The following NR5A2 variants were observed in gnomAD, a reference collection of about 807,000 sequenced individuals.
NR5A2 encodes the protein nuclear receptor subfamily 5 group A member 2, also known as CYP7A promoter-binding factor.
Under a neutral mutation model 62.7 loss-of-function variants are expected in NR5A2, and 26 were observed. The observed-to-expected ratio is 0.41, with a 90% CI of 0.30 to 0.58. The LOEUF (loss-of-function observed/expected upper bound fraction) is 0.58. Among genes scored for constraint, NR5A2 ranks in the 20% least tolerant of loss-of-function variants. The pLI is 0.22. For synonymous variants in NR5A2, 246 were observed against 241.7 expected, an observed-to-expected ratio of 1.02 and a Z score of -0.16; for missense variants, 541 against 669.1, an observed-to-expected ratio of 0.81 and a Z score of 2.11.
chr1:200,049,997 A>G (rs890667545), intron 5 of NR5A2, among the ~76,000 whole-genome samples: 3 of 152,252 alleles, frequency 2.0e-5, no homozygotes, highest in African/African-American at 7.2e-5. Context: ...ATAAAATTCC[A>G]TCAGCACGCT....
chr1:200,052,915 T>C (rs61819902), intron 5 of NR5A2, among the ~76,000 whole-genome samples: 6,258 of 152,252 alleles, frequency 0.041, 143 homozygotes, highest in African/African-American at 0.057. Context: ...TCTGGGATTA[T>C]AGGCATGAGC....
chr1:200,063,541 T>C (rs1232094067), intron 5 of NR5A2, among the ~76,000 whole-genome samples: 4 of 152,206 alleles, frequency 2.6e-5, no homozygotes, highest in Admixed American at 1.3e-4. Flanking sequence ...CCATTGAGAA[T>C]TGCTTTTATG....
In NR5A2 at chr1:200,147,934, C is replaced by T; in HGVS notation, c.1379-26029C>T. Reference sequence around the variant, plus strand: ...GGCTGTGATGTGGTGCAGCGCTTCGCCGGTGTTGGTGTTGCCCTGTGGTAG... The same window carrying T: ...GGCTGTGATGTGGTGCAGCGCTTCGTCGGTGTTGGTGTTGCCCTGTGGTAG... On this transcript the variant is annotated intron_variant, in intron 7 of 7. Transcript: ENST00000367362. The surrounding 1 kb of genome is among the most constrained non-coding windows in gnomAD (Gnocchi z 4.9). 2.8e-6 allele frequency: 1 copy of T among 363,146 alleles called. No individual in the cohort carries two copies. The highest frequency in any genetic ancestry group is 2.1e-5 in the African/African-American group (1 of 46,906). The allele number at this position is 363,146 out of a possible 1,614,324, so 22.5% of individuals were successfully genotyped here.
intron 6 of NR5A2, among the ~76,000 whole-genome samples, chr1:200,119,898 C>T (rs1189117211): frequency 6.6e-6 from 1 of 151,998 alleles, no homozygotes; most frequent in Admixed American, 6.6e-5. Context: ...CATGAGCCAC[C>T]GTGCCCGGCC....
intron 5 of NR5A2, among the ~76,000 whole-genome samples, chr1:200,059,593 G>A (rs1663095035): frequency 6.6e-6 from 1 of 152,056 alleles, no homozygotes; most frequent in Non-Finnish European, 1.5e-5. Context: ...TTCCCTGTCT[G>A]CACACTGTCA....
intron 6 of NR5A2, among the ~76,000 whole-genome samples, chr1:200,120,408 A>G (rs191058895): frequency 2.0e-5 from 3 of 152,366 alleles, no homozygotes; most frequent in Admixed American, 2.0e-4. Context: ...AATATAAAAA[A>G]GGCATATATA....
rs1198289563 is a variant in NR5A2 at position 200,120,820 on chromosome 1, A to G, written c.1243A>G (p.Ile415Val). Reference protein sequence around the residue: ...LVTGQQVDYSIIASQAGATLN... With the variant: ...LVTGQQVDYSVIASQAGATLN... Reference sequence around the variant, plus strand: ...TTCTGTATTGCAGGTGGACTATTCCATAATAGCATCACAAGCCGGAGCCAC... The same window carrying G: ...TTCTGTATTGCAGGTGGACTATTCCGTAATAGCATCACAAGCCGGAGCCAC... The change falls in exon 7 of 8, where the codon ATA (isoleucine) becomes GTA (valine). Residue 415 changes from isoleucine (I) to valine (V), a missense_variant. This residue lies in a region of NR5A2 where 379 missense variants were observed against 442.0 expected (regional missense o/e 0.86). Coordinates refer to ENST00000367362, the MANE Select transcript of NR5A2 (RefSeq NM_205860.3). 4 of 1,564,388 alleles carry G rather than the reference A, an allele frequency of 2.6e-6. No homozygotes were observed. The highest frequency in any genetic ancestry group is 3.9e-5 in the Admixed American group (2 of 51,482).
chr1:200,085,551 G>A (rs16845967), intron 5 of NR5A2, among the ~76,000 whole-genome samples: 1,973 of 151,962 alleles, frequency 0.013, 42 homozygotes, highest in African/African-American at 0.044. Context: ...TATAACTTAC[G>A]TGGTTATCTA....
intron 7 of NR5A2, among the ~76,000 whole-genome samples, chr1:200,170,094 A>C (rs985993662): frequency 1.3e-5 from 2 of 152,100 alleles, no homozygotes; most frequent in African/African-American, 4.8e-5. Flanking sequence ...ATTTGTCTAG[A>C]TTTTGGTTTT....
At chr1:200,150,752 G>A (rs538261940) in intron 7 of NR5A2, among the ~76,000 whole-genome samples, 40 of 152,352 alleles carry the variant, frequency 2.6e-4, no homozygotes, top group African/African-American at 9.6e-4. Flanking sequence ...AAGGCAGAAT[G>A]CAGGCCTTCC....
chr1:200,074,736 C>CAAAAAAAAAAAAAAAA (rs199556915), intron 5 of NR5A2, among the ~76,000 whole-genome samples: 15 of 67,534 alleles, frequency 2.2e-4, no homozygotes, highest in East Asian at 6.7e-4. Flanking sequence ...GAGTCCATCT[C>CAAAAAAAAAAAAAAAA]AAAAAAAAAA....
At chr1:200,070,126 A>G (rs1663670318) in intron 5 of NR5A2, among the ~76,000 whole-genome samples, 1 of 152,156 alleles carries the variant, frequency 6.6e-6, no homozygotes, top group South Asian at 2.1e-4. Flanking sequence ...GCAGGGTAGT[A>G]GTTTTGTATA....
intron 5 of NR5A2, among the ~76,000 whole-genome samples, chr1:200,069,261 CTT>C (rs71132652): frequency 6.7e-6 from 1 of 149,050 alleles, no homozygotes; most frequent in Non-Finnish European, 1.5e-5. Flanking sequence ...AATTCATATT[CTT>C]TTTTTTTTTC....
chr1:200,057,505 G>A (rs1012583943), intron 5 of NR5A2: 1 of 239,002 alleles, frequency 4.2e-6, no homozygotes, highest in Non-Finnish European at 8.5e-6. Flanking sequence ...TTGAGACAGG[G>A]TCTCACTCTG....
intron 7 of NR5A2, among the ~76,000 whole-genome samples, chr1:200,168,389 A>AT (rs1654010212): frequency 1.3e-5 from 2 of 151,724 alleles, no homozygotes; most frequent in Non-Finnish European, 2.9e-5. Context: ...TTTTATTTTT[A>AT]TTTTTAGGGG....
chr1:200,133,584 T>C (rs201919343), intron 7 of NR5A2, among the ~76,000 whole-genome samples: 15 of 127,198 alleles, frequency 1.2e-4, no homozygotes, highest in East Asian at 2.6e-4. Context: ...CACATATATA[T>C]ACACATATAT....
chr1:200,151,806 A>T (rs1653141324), intron 7 of NR5A2, among the ~76,000 whole-genome samples: 1 of 152,254 alleles, frequency 6.6e-6, no homozygotes, highest in Non-Finnish European at 1.5e-5. Flanking sequence ...ATACTGAATT[A>T]GTATTTACTA....
At chr1:200,094,409 T>A (rs998907009) in intron 5 of NR5A2, among the ~76,000 whole-genome samples, 3 of 151,588 alleles carry the variant, frequency 2.0e-5, no homozygotes, top group African/African-American at 7.3e-5. Flanking sequence ...GGTCTTGAAC[T>A]GCTGGACTCA....
At chr1:200,052,833 T>A (rs111745644) in intron 5 of NR5A2, among the ~76,000 whole-genome samples, 6 of 152,142 alleles carry the variant, frequency 3.9e-5, no homozygotes, top group South Asian at 2.1e-4. Flanking sequence ...GTAGAGACGG[T>A]GTTTCACCGT....
Sources: gnomAD v4.1 joint callset for allele counts (sites outside exome capture counted in the v4.1 genomes callset) on GRCh38, gnomAD v4.1.1 for gene constraint, gnomAD v4.1.1 regional missense constraint, Gnocchi (gnomAD v3.1) non-coding constraint, MANE v1.5 for transcripts, NCBI Gene and HGNC (gene_info 2026-07-23, HGNC 2026-07-21) for gene names.